PRRT1B: variants seen among roughly 807,000 people sequenced by gnomAD.
PRRT1B encodes proline rich transmembrane protein 1B.
chr9:131,545,640 G>T lies in PRRT1B; in HGVS notation c.25G>T (p.Gly9Trp), dbSNP rs1411900459. The change falls in exon 1 of 4, where the codon GGG (glycine) becomes TGG (tryptophan). Residue 9 changes from glycine (G) to tryptophan (W), a missense_variant and splice_region_variant. Transcript: ENST00000636672. ...CATGGAGGCAGGAGCTGGAGGGGCA[G>T]GTGCCGGAGGGGCAGGTGCTGGTGG... 7 of 400,602 alleles carry T rather than the reference G, an allele frequency of 1.7e-5. 1 individual carries two copies. The highest frequency in any genetic ancestry group is 1.0e-4 in the African/African-American group (5 of 48,528). 24.8% of individuals were successfully genotyped at this position (400,602 alleles called of 1,614,324 possible). A position where few individuals can be genotyped will look rare whatever the true frequency, so the allele number is the denominator to read the frequency against.
At chr9:131,558,571 AG>A in exon 4 of PRRT1B, 1 of 178,558 alleles carries the variant, frequency 5.6e-6, no homozygotes, top group Non-Finnish European at 1.2e-5. Flanking sequence ...TAGGGACCAA[AG>A]CCTTCTCTGT....
chr9:131,546,431 C>T (rs997695676), intron 1 of PRRT1B, among the ~76,000 whole-genome samples: 1 of 152,096 alleles, frequency 6.6e-6, no homozygotes, highest in African/African-American at 2.4e-5. Flanking sequence ...GGAACCGAGA[C>T]CTCGTCCTTG....
At chr9:131,549,965 C>T (rs1405762003) in intron 1 of PRRT1B, among the ~76,000 whole-genome samples, 1 of 152,140 alleles carries the variant, frequency 6.6e-6, no homozygotes, top group East Asian at 1.9e-4. Context: ...TTTGTGTCTC[C>T]CTCTTGTATC....
intron 1 of PRRT1B, among the ~76,000 whole-genome samples, chr9:131,550,035 A>G (rs1036879873): frequency 9.7e-4 from 147 of 151,872 alleles, no homozygotes; most frequent in Non-Finnish European, 2.4e-4. Flanking sequence ...AAACTTAATC[A>G]CCCTTACCCT....
chr9:131,548,845 C>T (rs552405197), intron 1 of PRRT1B, among the ~76,000 whole-genome samples: 9 of 152,166 alleles, frequency 5.9e-5, no homozygotes, highest in Non-Finnish European at 1.0e-4. Flanking sequence ...TTTAATTCTG[C>T]GACTAGCCCT....
At chr9:131,547,478 C>G (rs1950984165) in intron 1 of PRRT1B, among the ~76,000 whole-genome samples, 1 of 152,168 alleles carries the variant, frequency 6.6e-6, no homozygotes, top group Non-Finnish European at 1.5e-5. Context: ...TTTCCTTTAC[C>G]TACGCAAATC....
chr9:131,548,898 G>A (rs1950992365), intron 1 of PRRT1B, among the ~76,000 whole-genome samples: 1 of 152,164 alleles, frequency 6.6e-6, no homozygotes, highest in Non-Finnish European at 1.5e-5. Context: ...GGTGGCTGGA[G>A]CTAAAGGCAT....
intron 1 of PRRT1B, among the ~76,000 whole-genome samples, chr9:131,548,243 G>A (rs879608737): frequency 4.6e-5 from 7 of 151,562 alleles, no homozygotes; most frequent in Non-Finnish European, 7.4e-5. Flanking sequence ...TGGGGGGCAA[G>A]CATCCCCCAC....
At chr9:131,556,881 C>A (rs1044882400) in intron 3 of PRRT1B, among the ~76,000 whole-genome samples, 1 of 152,144 alleles carries the variant, frequency 6.6e-6, no homozygotes, top group Non-Finnish European at 1.5e-5. Flanking sequence ...GATCCACTTG[C>A]CTCAGCCTCC....
chr9:131,558,244 C>T (rs368836484), exon 4 of PRRT1B: 7 of 400,938 alleles, frequency 1.7e-5, no homozygotes, highest in Middle Eastern at 3.1e-4. Flanking sequence ...GGAATGTCCA[C>T]GGAAAACTGG....
chr9:131,550,393 C>T (rs1414897090), intron 1 of PRRT1B, among the ~76,000 whole-genome samples: 3 of 152,200 alleles, frequency 2.0e-5, no homozygotes, highest in African/African-American at 4.8e-5. Flanking sequence ...CTGACCCTGA[C>T]ACCCATCAGG....
At chr9:131,550,358 C>T (rs1951002550) in intron 1 of PRRT1B, among the ~76,000 whole-genome samples, 1 of 152,170 alleles carries the variant, frequency 6.6e-6, no homozygotes, top group Admixed American at 6.5e-5. Flanking sequence ...CCCTTCATCC[C>T]AGCCTCTCTT....
At chr9:131,555,586 G>T (rs1271997324) in intron 2 of PRRT1B, among the ~76,000 whole-genome samples, 1 of 152,122 alleles carries the variant, frequency 6.6e-6, no homozygotes, top group East Asian at 1.9e-4. Flanking sequence ...TGAGGCAGGA[G>T]GATTGCTTGA....
At position 131,551,812 on chromosome 9, in the gene PRRT1B, C is replaced by T. The variant is rs556014539; in HGVS notation, c.26-2745C>T. Among the ~76,000 whole-genome samples, 3 of 114,926 alleles carry T rather than the reference C, an allele frequency of 2.6e-5. No individual in the cohort carries two copies. The highest frequency in any genetic ancestry group is 6.7e-5 in the African/African-American group (2 of 29,794). 75.4% of individuals were successfully genotyped at this position (114,926 alleles called of 152,430 possible). A position where few individuals can be genotyped will look rare whatever the true frequency, so the allele number is the denominator to read the frequency against. ...CTTTACCTACGCAAATCCTATAAGA[C>T]GGCCCACCCCATCTCCCTTCGCTGA... On this transcript the variant is annotated intron_variant, in intron 1 of 3. Transcript: ENST00000636672. This position sits in a 1 kb window ranked among gnomAD's most constrained non-coding sequence, Gnocchi z 4.4.
chr9:131,547,065 CTTTTTTTTT>C (rs549825970), intron 1 of PRRT1B, among the ~76,000 whole-genome samples: 5 of 100,802 alleles, frequency 5.0e-5, no homozygotes, highest in Admixed American at 1.1e-4. Flanking sequence ...CTCCTGTTCG[CTTTTTTTTT>C]TTTTTTTTTT....
At chr9:131,548,103 T>C (rs1950987493) in intron 1 of PRRT1B, among the ~76,000 whole-genome samples, 1 of 152,172 alleles carries the variant, frequency 6.6e-6, no homozygotes, top group Admixed American at 6.5e-5. Flanking sequence ...ATTGCGGGGA[T>C]GCCTGCTTTG....
At chr9:131,547,591 T>C (rs1950984815) in intron 1 of PRRT1B, among the ~76,000 whole-genome samples, 1 of 152,224 alleles carries the variant, frequency 6.6e-6, no homozygotes, top group Admixed American at 6.5e-5. Flanking sequence ...CAAAGCCTGT[T>C]TGGTGGTCTC....
intron 1 of PRRT1B, among the ~76,000 whole-genome samples, chr9:131,546,159 G>T (rs865996593): frequency 6.6e-6 from 1 of 152,102 alleles, no homozygotes; most frequent in South Asian, 2.1e-4. Flanking sequence ...CACCGCCCCG[G>T]CCAGGCTGAA....
chr9:131,556,135 CT>C lies in PRRT1B; in HGVS notation c.565del (p.Tyr189ThrfsTer2), dbSNP rs1380815652. 2 of 401,028 alleles carry C rather than the reference CT, an allele frequency of 5.0e-6. No homozygotes were observed. The highest frequency in any genetic ancestry group is 4.4e-5 in the Admixed American group (1 of 22,738). 24.8% of individuals were successfully genotyped at this position (401,028 alleles called of 1,614,324 possible). A position where few individuals can be genotyped will look rare whatever the true frequency, so the allele number is the denominator to read the frequency against. ...TGGAGCACAGGCCCCTGCCAAAGGA[CT>C]ACATGATGGAGTCAGTGCTGGTGAC... On this transcript the variant is annotated frameshift_variant, in exon 3 of 4. Transcript: ENST00000636672. LOFTEE classifies it high-confidence loss of function.
Sources: gnomAD v4.1 joint callset for allele counts (sites outside exome capture counted in the v4.1 genomes callset) on GRCh38, gnomAD v4.1.1 for gene constraint, Gnocchi (gnomAD v3.1) non-coding constraint, MANE v1.5 for transcripts, NCBI Gene and HGNC (gene_info 2026-07-23, HGNC 2026-07-21) for gene names.